The following CRHR1 variants were observed in gnomAD, a reference collection of about 807,000 sequenced individuals.
CRHR1 encodes corticotropin releasing hormone receptor 1, also known as corticotropin-releasing hormone receptor 1.
In CRHR1, 28 loss-of-function variants were observed where a neutral mutation model predicts 56.0. The observed-to-expected ratio is 0.50, with a 90% CI of 0.37 to 0.69. The LOEUF is 0.69. Among genes scored for constraint, CRHR1 ranks in the 30% least tolerant of loss-of-function variants. CRHR1 has a pLI of 0.00. For synonymous variants in CRHR1, 195 were observed against 216.5 expected (o/e 0.90, Z 0.87); for missense variants, 376 against 548.0 (o/e 0.69, Z 3.13).
intron 1 of CRHR1, among the ~76,000 whole-genome samples, chr17:45,803,775 T>TGTGTGTGTGTGTGTGTGC (rs71138510): frequency 6.7e-6 from 1 of 150,336 alleles, no homozygotes; most frequent in African/African-American, 2.4e-5. Context: ...TGTGTGTGTG[T>TGTGTGTGTGTGTGTGTGC]GCGTGCGCGT....
chr17:45,815,413 C>G (rs911751808), intron 2 of CRHR1, among the ~76,000 whole-genome samples: 1 of 152,226 alleles, frequency 6.6e-6, no homozygotes, highest in Non-Finnish European at 1.5e-5. Flanking sequence ...AACATCCTCT[C>G]TCTCTCGCGT....
intron 4 of CRHR1, among the ~76,000 whole-genome samples, chr17:45,828,828 T>A (rs1476590814): frequency 1.3e-5 from 2 of 152,148 alleles, no homozygotes; most frequent in East Asian, 1.9e-4. Flanking sequence ...GAGTTTGGTG[T>A]CTCTGCAGCT....
Position 45,830,153 on chromosome 17 carries a change from G to T in CRHR1, c.494G>T (p.Arg165Leu). The T allele has an allele frequency of 6.2e-7, 1 of 1,614,096 alleles. No individual in the cohort carries two copies. Among genetic ancestry groups the T allele is most frequent in the Non-Finnish European group, 8.5e-7 (1 of 1,180,020 alleles). Reference protein sequence around the residue: ...HWNLISAFILRNATWFVVQLT... With the variant: ...HWNLISAFILLNATWFVVQLT... ...AACCTCATCTCCGCCTTCATCCTGCGCAACGCCACCTGGTTCGTGGTCCAG... is the reference window on the plus strand; with the variant it reads ...AACCTCATCTCCGCCTTCATCCTGCTCAACGCCACCTGGTTCGTGGTCCAG... Residue 165 changes from arginine to leucine, a missense_variant, in exon 6 of 13, where the codon CGC (arginine) becomes CTC (leucine). By Grantham distance (102) the Arg-to-Leu change is moderately radical. This residue lies in a region of CRHR1 where 369 missense variants were observed against 519.5 expected (regional missense o/e 0.71). Coordinates refer to ENST00000314537, the MANE Select transcript of CRHR1 (RefSeq NM_004382.5).
rs1568034430 is a variant in CRHR1, at chr17:45,797,307, T to TTTTTC, written c.34-9702_34-9701insTTTCT. Among the ~76,000 whole-genome samples, 31 of 137,214 alleles carry TTTTTC rather than the reference T, an allele frequency of 2.3e-4. 2 individuals are homozygous for TTTTTC. The highest frequency in any genetic ancestry group is 4.2e-4 in the Non-Finnish European group (26 of 62,648). The allele number at this position is 137,214 out of a possible 152,430, so 90.0% of individuals were successfully genotyped here. ...TCTTTTTTTTTTTTTTTTTTTTTTT[T>TTTTTC]TGAGACGGAGTCTCGCTGTGTCACC... is the stretch of plus-strand genomic sequence containing the variant. On this transcript the variant is annotated intron_variant, in intron 1 of 12. Coordinates refer to ENST00000314537, the MANE Select transcript of CRHR1 (RefSeq NM_004382.5).
At chr17:45,830,259 G>C (rs1222911784) in intron 6 of CRHR1, 45 bp downstream of exon 6, 1 of 1,606,780 alleles carries the variant, frequency 6.2e-7, no homozygotes, top group Non-Finnish European at 8.5e-7. Context: ...GCCAAACCCA[G>C]GTCAGAGGAG....
intron 10 of CRHR1, 21 bp from the exon 11 acceptor site, chr17:45,833,693 T>TGGGGCC: frequency 3.8e-6 from 6 of 1,571,590 alleles, no homozygotes; most frequent in Non-Finnish European, 5.2e-6. Context: ...ACTCCGAGCC[T>TGGGGCC]CCCCACCCGC....
intron 1 of CRHR1, among the ~76,000 whole-genome samples, chr17:45,796,647 G>A (rs1411774267): frequency 2.0e-5 from 3 of 152,184 alleles, no homozygotes; most frequent in Non-Finnish European, 2.9e-5. Flanking sequence ...CCAGTCTCTC[G>A]TTTGAACAGT....
chr17:45,830,646 C>G, intron 7 of CRHR1, 76 bp downstream of exon 7: 1 of 1,516,968 alleles, frequency 6.6e-7, no homozygotes, highest in Non-Finnish European at 8.9e-7. Flanking sequence ...CTCAGGCCAG[C>G]GGGCTGGGGG....
intron 4 of CRHR1, 96 bp downstream of exon 4, chr17:45,821,536 C>T: frequency 8.5e-7 from 1 of 1,174,120 alleles, no homozygotes; most frequent in South Asian, 1.2e-5. Context: ...GAGCCAGAGG[C>T]TAATGTCAAG....
At chr17:45,793,935 G>T (rs1259675464) in intron 1 of CRHR1, among the ~76,000 whole-genome samples, 1 of 152,186 alleles carries the variant, frequency 6.6e-6, no homozygotes, top group Non-Finnish European at 1.5e-5. Context: ...CCCACCAAAG[G>T]CCAGTGAGAC....
chr17:45,821,626 G>A (rs1391332339), intron 4 of CRHR1, among the ~76,000 whole-genome samples, 186 bp downstream of exon 4: 1 of 152,242 alleles, frequency 6.6e-6, no homozygotes, highest in Non-Finnish European at 1.5e-5. Context: ...CTCGAGGGCA[G>A]GCTGGACCAA....
At chr17:45,821,495 CAG>C in intron 4 of CRHR1, 55 bp downstream of exon 4, 4 of 1,530,574 alleles carry the variant, frequency 2.6e-6, no homozygotes, top group Non-Finnish European at 2.7e-6. Context: ...GGGTCCCCAG[CAG>C]AGTTTTGTGC....
intron 1 of CRHR1, among the ~76,000 whole-genome samples, chr17:45,804,069 G>A (rs1014529347): frequency 4.6e-5 from 7 of 152,194 alleles, no homozygotes; most frequent in Non-Finnish European, 1.0e-4. Flanking sequence ...TGGAAAATGA[G>A]GGTAAAGATA....
At chr17:45,803,779 T>TGC (rs1555650818) in intron 1 of CRHR1, among the ~76,000 whole-genome samples, 5 of 151,844 alleles carry the variant, frequency 3.3e-5, no homozygotes, top group Admixed American at 1.3e-4. Flanking sequence ...TGTGTGTGCG[T>TGC]GCGCGTGCGC....
chr17:45,791,176 G>C lies in CRHR1; in HGVS notation c.33+6599G>C, dbSNP rs149826764. Among the ~76,000 whole-genome samples, 1,202 of 151,584 alleles carry C rather than the reference G, an allele frequency of 7.9e-3. 18 individuals are homozygous for C. Among genetic ancestry groups the C allele is most frequent in the African/African-American group, 0.028 (1,143 of 41,374 alleles). ...GGCCAGAGGTACCAGGCTGGGTGGG[G>C]AGCCTGTGCACAGAGACAGGGAAAA... is the stretch of plus-strand genomic sequence containing the variant. On this transcript the variant is annotated intron_variant, in intron 1 of 12. Transcript: ENST00000314537.
At position 45,784,638 on chromosome 17, in the gene CRHR1, C is replaced by G. The variant is rs2061297706; in HGVS notation, c.33+61C>G. The G allele has an allele frequency of 6.7e-7, 1 of 1,491,716 alleles. No homozygotes were observed. The highest frequency in any genetic ancestry group is 1.3e-5 in the South Asian group (1 of 78,410). 92.4% of individuals were successfully genotyped at this position (1,491,716 alleles called of 1,614,324 possible). A position where few individuals can be genotyped will look rare whatever the true frequency, so the allele number is the denominator to read the frequency against. ...CCCCCGGCCCCTGGCGGACGCGGGA[C>G]GGGGCTGGGCTGTGGGTGTGATGGG... On this transcript the variant is annotated intron_variant, in intron 1 of 12. Coordinates refer to ENST00000314537, the MANE Select transcript of CRHR1 (RefSeq NM_004382.5). The surrounding 1 kb of genome is among the most constrained non-coding windows in gnomAD (Gnocchi z 4.2).
rs560104708 is a variant in CRHR1 at position 45,813,594 on chromosome 17, G to C, written c.122-2869G>C. Among the ~76,000 whole-genome samples the C allele has an allele frequency of 2.3e-4, 35 of 152,320 alleles. No homozygotes were observed. The East Asian group carries it at 6.6e-3, about 29-fold the overall frequency. ...GGAGGCGCGGCGCTGCTGGGGAACT[G>C]GAGTCGCAGCTCTGCGATCGAGGGG... On this transcript the variant is annotated intron_variant, in intron 2 of 12. Transcript: ENST00000314537.
chr17:45,830,699 G>T (rs551571601), intron 7 of CRHR1, 129 bp downstream of exon 7: 3 of 1,281,530 alleles, frequency 2.3e-6, no homozygotes, highest in South Asian at 2.8e-5. Context: ...AGGTGTGCAC[G>T]ATAGCCCTCT....
intron 1 of CRHR1, among the ~76,000 whole-genome samples, chr17:45,785,249 G>A (rs1041244426): frequency 2.6e-5 from 4 of 152,252 alleles, no homozygotes; most frequent in Non-Finnish European, 5.9e-5. Context: ...ACGCGGATCG[G>A]GCGCTGGAGT....
Sources: gnomAD v4.1 joint callset for allele counts (sites outside exome capture counted in the v4.1 genomes callset) on GRCh38, gnomAD v4.1.1 for gene constraint, gnomAD v4.1.1 regional missense constraint, Gnocchi (gnomAD v3.1) non-coding constraint, MANE v1.5 for transcripts, NCBI Gene and HGNC (gene_info 2026-07-23, HGNC 2026-07-21) for gene names.